The following RPH3A variants were observed in gnomAD, a reference collection of about 807,000 sequenced individuals.
The protein encoded by RPH3A is rabphilin 3A, also known as rabphilin-3A.
Under a neutral mutation model 102.2 loss-of-function variants are expected in RPH3A, and 48 were observed. That is an observed-to-expected ratio of 0.47 (90% CI 0.37 to 0.60). The LOEUF (loss-of-function observed/expected upper bound fraction) is 0.60, where lower values mean the gene tolerates loss of function less well. Among genes scored for constraint, RPH3A ranks in the 20% least tolerant of loss-of-function variants. The pLI is 0.00. For synonymous variants in RPH3A, 310 were observed against 324.3 expected (o/e 0.96, Z 0.47); for missense variants, 781 against 910.1 (o/e 0.86, Z 1.83).
intron 1 of RPH3A, chr12:112,718,020 A>G (rs1325004074): frequency 2.0e-5 from 3 of 152,226 alleles, no homozygotes; most frequent in African/African-American, 7.2e-5. Context: ...CGTTCGTTCT[A>G]CATAATTCAG....
chr12:112,683,030 G>T (rs2040237924), intron 1 of RPH3A, among the ~76,000 whole-genome samples: 1 of 152,150 alleles, frequency 6.6e-6, no homozygotes, highest in Admixed American at 6.5e-5. Context: ...TTTTTGGCAG[G>T]ATTATTTATT....
rs143837753 is a variant in RPH3A at position 112,764,086 on chromosome 12, C to T, written c.-139-28057C>T. Among the ~76,000 whole-genome samples, 986 of 152,268 alleles carry T rather than the reference C, an allele frequency of 6.5e-3. 6 individuals are homozygous for T. Among genetic ancestry groups the T allele is most frequent in the Admixed American group, 9.8e-3 (150 of 15,292 alleles). On this transcript the variant is annotated intron_variant, in intron 1 of 21. Transcript: ENST00000543106. ...GAGAACCTGGGACATTTCCAGGTTC[C>T]TTACCTCTCACTACTTTCCCCATGT... is the stretch of plus-strand genomic sequence containing the variant.
chr12:112,835,119 G>A (rs182789780), intron 3 of RPH3A, among the ~76,000 whole-genome samples: 190 of 152,256 alleles, frequency 1.2e-3, no homozygotes, highest in African/African-American at 4.3e-3. Flanking sequence ...CACAGCAAAT[G>A]TCTCATGTCT....
At chr12:112,837,916 TC>T in intron 4 of RPH3A, 1 of 369,252 alleles carries the variant, frequency 2.7e-6, no homozygotes. Flanking sequence ...CCTTCCTCCC[TC>T]CCTTCCTCTA....
At chr12:112,854,172 T>C (rs1038679531) in intron 5 of RPH3A, among the ~76,000 whole-genome samples, 1 of 152,204 alleles carries the variant, frequency 6.6e-6, no homozygotes, top group Admixed American at 6.5e-5. Flanking sequence ...CCCTCTAAGA[T>C]GCCTGGTTTA....
At chr12:112,736,112 G>T (rs1373721206) in intron 1 of RPH3A, among the ~76,000 whole-genome samples, 1 of 152,044 alleles carries the variant, frequency 6.6e-6, no homozygotes, top group Non-Finnish European at 1.5e-5. Flanking sequence ...ATTTACAGTG[G>T]GGTTTCTCAA....
At chr12:112,746,136 C>T (rs779933788) in intron 1 of RPH3A, among the ~76,000 whole-genome samples, 1 of 151,876 alleles carries the variant, frequency 6.6e-6, no homozygotes, top group Non-Finnish European at 1.5e-5. Flanking sequence ...CTTTTTCCTT[C>T]TTACCTTCTT....
At chr12:112,772,422 C>T (rs185670004) in intron 1 of RPH3A, among the ~76,000 whole-genome samples, 196 of 152,298 alleles carry the variant, frequency 1.3e-3, no homozygotes, top group African/African-American at 4.5e-3. Flanking sequence ...ACCTCTAAGT[C>T]GCTGCAATAA....
chr12:112,712,382 G>A (rs146985380), intron 1 of RPH3A, among the ~76,000 whole-genome samples: 76 of 152,134 alleles, frequency 5.0e-4, no homozygotes, highest in African/African-American at 1.8e-3. Context: ...GTCAAAAAAT[G>A]GTCCAACGTT....
At chr12:112,734,498 G>C (rs1352202028) in intron 1 of RPH3A, among the ~76,000 whole-genome samples, 1 of 152,220 alleles carries the variant, frequency 6.6e-6, no homozygotes, top group Non-Finnish European at 1.5e-5. Flanking sequence ...GACCCCAAGA[G>C]AGGGTTCTTG....
chr12:112,879,236 G>T (rs749643548), intron 14 of RPH3A, 38 bp downstream of exon 14: 2 of 1,563,630 alleles, frequency 1.3e-6, no homozygotes, highest in East Asian at 2.3e-5. Flanking sequence ...CTCTCAGGAT[G>T]CTCTGGCATG....
intron 6 of RPH3A, 72 bp from the exon 7 acceptor site, chr12:112,866,685 G>C: frequency 2.4e-6 from 3 of 1,254,096 alleles, no homozygotes; most frequent in Non-Finnish European, 3.4e-6. Flanking sequence ...CCAAGAGAAA[G>C]TGGGGGGCTA....
chr12:112,592,335 T>G (rs993982190), intron 1 of RPH3A, among the ~76,000 whole-genome samples: 2 of 151,710 alleles, frequency 1.3e-5, no homozygotes, highest in African/African-American at 4.8e-5. Flanking sequence ...ATTATTATTA[T>G]TTTTTGAGAT....
At chr12:112,821,344 A>G (rs1252686383) in intron 2 of RPH3A, among the ~76,000 whole-genome samples, 1 of 152,216 alleles carries the variant, frequency 6.6e-6, no homozygotes, top group African/African-American at 2.4e-5. Flanking sequence ...CACTGTTCAG[A>G]GGCTTTCTGG....
At chr12:112,578,939 C>G (rs556065489) in intron 1 of RPH3A, among the ~76,000 whole-genome samples, 3 of 152,280 alleles carry the variant, frequency 2.0e-5, no homozygotes, top group African/African-American at 7.2e-5. Context: ...AGATTTTTTA[C>G]ATGAAATCTT....
At chr12:112,616,362 G>A (rs566966902) in intron 1 of RPH3A, among the ~76,000 whole-genome samples, 1 of 152,232 alleles carries the variant, frequency 6.6e-6, no homozygotes, top group Non-Finnish European at 1.5e-5. Flanking sequence ...GGCCAGGCTG[G>A]TCTCGAACTC....
intron 4 of RPH3A, among the ~76,000 whole-genome samples, chr12:112,846,479 GCT>G (rs1199696981): frequency 1.3e-5 from 2 of 152,182 alleles, no homozygotes; most frequent in African/African-American, 4.8e-5. Flanking sequence ...TTCCTTCTCT[GCT>G]CTTCAGAGCA....
intron 1 of RPH3A, among the ~76,000 whole-genome samples, chr12:112,744,144 C>T (rs774135015): frequency 2.6e-5 from 4 of 152,026 alleles, no homozygotes; most frequent in Non-Finnish European, 4.4e-5. Flanking sequence ...GGTGCGATCT[C>T]GGCTCACTGA....
At chr12:112,609,372 C>T (rs900114850) in intron 1 of RPH3A, among the ~76,000 whole-genome samples, 1 of 152,184 alleles carries the variant, frequency 6.6e-6, no homozygotes, top group South Asian at 2.1e-4. Flanking sequence ...CAGATCTGAC[C>T]ATTCACTCAC....
Sources: allele counts gnomAD v4.1 joint callset (sites outside exome capture counted in the v4.1 genomes callset), GRCh38; gene constraint gnomAD v4.1.1; transcripts MANE v1.5; gene names NCBI Gene and HGNC (gene_info 2026-07-23, HGNC 2026-07-21).